ADGRG7: variants seen among roughly 807,000 people sequenced by gnomAD.
ADGRG7 encodes G-protein coupled receptor 128.
ADGRG7 carries 82 observed loss-of-function variants against 88.6 expected under a neutral mutation model. The observed-to-expected ratio is 0.93, with a 90% CI of 0.77 to 1.11. The LOEUF (loss-of-function observed/expected upper bound fraction) is 1.11. ADGRG7 is among the 50% of genes most tolerant of loss of function. The probability of loss-of-function intolerance (pLI) is 0.00; values close to 1 mark genes in which losing one functional copy is unlikely to be tolerated. For synonymous variants in ADGRG7, 381 were observed against 345.2 expected (o/e 1.10, Z -1.15); for missense variants, 945 against 953.4 (o/e 0.99, Z 0.12).
intron 15 of ADGRG7, among the ~76,000 whole-genome samples, chr3:100,688,354 G>A (rs1269574050): frequency 6.6e-6 from 1 of 152,016 alleles, no homozygotes; most frequent in Non-Finnish European, 1.5e-5. Flanking sequence ...TTTTTTGAAG[G>A]GTTTTTTGTG....
chr3:100,612,966 T>G (rs1352993323), intron 1 of ADGRG7, among the ~76,000 whole-genome samples: 1 of 152,202 alleles, frequency 6.6e-6, no homozygotes, highest in African/African-American at 2.4e-5. Flanking sequence ...CTCGGCTCAC[T>G]GCAACCTCTG....
intron 15 of ADGRG7, 50 bp downstream of exon 15, chr3:100,669,155 A>G: frequency 7.3e-7 from 1 of 1,361,546 alleles, no homozygotes; most frequent in Non-Finnish European, 9.7e-7. Context: ...TGGTGGAGAT[A>G]TCATCTTGAT....
intron 15 of ADGRG7, among the ~76,000 whole-genome samples, chr3:100,694,333 G>A (rs956163259): frequency 4.6e-5 from 7 of 152,152 alleles, no homozygotes; most frequent in Non-Finnish European, 1.0e-4. Flanking sequence ...TTGTCCTTAA[G>A]TGCACAAATT....
At position 100,688,576 on chromosome 3, in the gene ADGRG7, G is replaced by C. The variant is rs188788623; in HGVS notation, c.2137-6168G>C. ...TGTCCCAGAGATTCTGGTGTGTTGT[G>C]TCTTTGTTCTTATTGGCTTCAAAGA... On this transcript the variant is annotated intron_variant, in intron 15 of 15. Transcript: ENST00000273352. Among the ~76,000 whole-genome samples, 161 of 152,284 alleles carry C rather than the reference G, an allele frequency of 1.1e-3. 6 individuals carry two copies. The highest frequency in any genetic ancestry group is 0.01 in the Admixed American group (160 of 15,302).
intron 14 of ADGRG7, among the ~76,000 whole-genome samples, chr3:100,667,249 A>G (rs1465938221): frequency 6.6e-6 from 1 of 152,070 alleles, no homozygotes; most frequent in East Asian, 1.9e-4. Context: ...TTACATAGGT[A>G]TACATGTGCC....
intron 4 of ADGRG7, among the ~76,000 whole-genome samples, chr3:100,634,259 C>CT (rs1248668091): frequency 2.6e-5 from 4 of 152,160 alleles, no homozygotes; most frequent in Non-Finnish European, 4.4e-5. Flanking sequence ...TTTCATGTGC[C>CT]TGGCATGTTG....
At chr3:100,646,425 T>G (rs1576323277) in intron 9 of ADGRG7, 144 bp from the exon 10 acceptor site, 1 of 686,214 alleles carries the variant, frequency 1.5e-6, no homozygotes, top group African/African-American at 1.8e-5. Flanking sequence ...TCTCCTTTTT[T>G]CCCTCTCCTT....
intron 1 of ADGRG7, among the ~76,000 whole-genome samples, chr3:100,624,993 T>C (rs1329319496): frequency 6.6e-5 from 10 of 152,174 alleles, no homozygotes; most frequent in African/African-American, 2.4e-4. Flanking sequence ...TTGTTCTTTT[T>C]GCTTAGGATT....
intron 15 of ADGRG7, among the ~76,000 whole-genome samples, chr3:100,672,239 T>C (rs2094959737): frequency 6.6e-6 from 1 of 152,200 alleles, no homozygotes; most frequent in African/African-American, 2.4e-5. Flanking sequence ...CCTTGAGCAG[T>C]AGCTTGCAGT....
chr3:100,686,325 T>G (rs1205894985), intron 15 of ADGRG7, among the ~76,000 whole-genome samples: 1 of 152,236 alleles, frequency 6.6e-6, no homozygotes, highest in Non-Finnish European at 1.5e-5. Flanking sequence ...TTCTGTAGGT[T>G]GCCTGTTCAC....
At chr3:100,684,205 C>T (rs1308873688) in intron 15 of ADGRG7, among the ~76,000 whole-genome samples, 2 of 151,396 alleles carry the variant, frequency 1.3e-5, no homozygotes, top group Non-Finnish European at 2.9e-5. Flanking sequence ...TTTTTAGACC[C>T]TGCATATTTA....
chr3:100,656,245 T>G (rs555350031), intron 13 of ADGRG7, among the ~76,000 whole-genome samples: 4 of 152,322 alleles, frequency 2.6e-5, no homozygotes, highest in African/African-American at 9.6e-5. Flanking sequence ...ATGTTAAATT[T>G]GTCTTCTTTC....
intron 3 of ADGRG7, among the ~76,000 whole-genome samples, chr3:100,631,642 A>G (rs979805549): frequency 2.0e-5 from 3 of 152,196 alleles, no homozygotes; most frequent in African/African-American, 7.2e-5. Flanking sequence ...ATTGACAAAG[A>G]TGTTTGATAA....
At position 100,670,200 on chromosome 3, in the gene ADGRG7, C is replaced by CT. The variant is rs201566095; in HGVS notation, c.2136+1096dup. On this transcript the variant is annotated intron_variant, in intron 15 of 15. Transcript: ENST00000273352. ...CCTCTGGTAACAATCATTCTACTCT[C>CT]TATCTCCAGGATTTCAATTTTTTAA... 6.9e-3 allele frequency among the ~76,000 whole-genome samples: 1,046 copies of CT among 152,304 alleles called. 48 individuals carry two copies. In the East Asian group the frequency reaches 0.091, roughly 13 times the overall value.
chr3:100,625,469 T>C (rs1288675830), intron 1 of ADGRG7, among the ~76,000 whole-genome samples: 3 of 152,190 alleles, frequency 2.0e-5, no homozygotes, highest in African/African-American at 7.2e-5. Flanking sequence ...TATAGAATCA[T>C]GTTGTTTGCA....
At chr3:100,651,847 G>A (rs1339887900) in intron 11 of ADGRG7, among the ~76,000 whole-genome samples, 2 of 152,084 alleles carry the variant, frequency 1.3e-5, no homozygotes, top group East Asian at 1.9e-4. Flanking sequence ...TTCAACTTAC[G>A]ATTTTTCAGC....
chr3:100,686,493 G>T (rs960642001), intron 15 of ADGRG7, among the ~76,000 whole-genome samples: 1 of 152,314 alleles, frequency 6.6e-6, no homozygotes, highest in East Asian at 1.9e-4. Flanking sequence ...TTCTTCTACG[G>T]TTTTTATGGT....
chr3:100,652,101 T>C (rs2094930332), intron 11 of ADGRG7, among the ~76,000 whole-genome samples: 1 of 152,126 alleles, frequency 6.6e-6, no homozygotes, highest in African/African-American at 2.4e-5. Flanking sequence ...TTGATAAAAT[T>C]AGATAAAAAC....
chr3:100,645,873 A>G (rs1398007925), intron 8 of ADGRG7, 72 bp from the exon 9 acceptor site: 2 of 1,373,090 alleles, frequency 1.5e-6, no homozygotes, highest in Non-Finnish European at 2.0e-6. Context: ...CACTTCTACA[A>G]TAACGTGACA....
Sources: gnomAD v4.1 joint callset for allele counts (sites outside exome capture counted in the v4.1 genomes callset) on GRCh38, gnomAD v4.1.1 for gene constraint, MANE v1.5 for transcripts, NCBI Gene and HGNC (gene_info 2026-07-23, HGNC 2026-07-21) for gene names.